Variants in SUMF1 observed in about 807,000 individuals in gnomAD.
SUMF1 encodes the protein sulfatase modifying factor 1.
Under a neutral mutation model 47.6 loss-of-function variants are expected in SUMF1, and 48 were observed. The observed-to-expected ratio is 1.01, with a 90% CI of 0.80 to 1.28. The LOEUF is 1.28. SUMF1 is among the 50% of genes most tolerant of loss of function. SUMF1 has a pLI of 0.00. For synonymous variants in SUMF1, 230 were observed against 192.1 expected, an observed-to-expected ratio of 1.20 and a Z score of -1.63; for missense variants, 571 against 485.4, an observed-to-expected ratio of 1.18 and a Z score of -1.66.
At chr3:4,391,301 G>C (rs571668977) in intron 7 of SUMF1, among the ~76,000 whole-genome samples, 44 of 152,024 alleles carry the variant, frequency 2.9e-4, no homozygotes, top group African/African-American at 1.1e-3. Flanking sequence ...TGAGCTTCTT[G>C]GATTTATAGA....
chr3:4,099,873 A>G (rs1232602398), intron 8 of SUMF1, among the ~76,000 whole-genome samples: 2 of 151,944 alleles, frequency 1.3e-5, no homozygotes, highest in African/African-American at 4.8e-5. Context: ...CAAAAAAAAT[A>G]CATAGGTGTA....
intron 9 of SUMF1, among the ~76,000 whole-genome samples, chr3:4,042,410 G>A (rs148760648): frequency 3.3e-5 from 5 of 151,956 alleles, no homozygotes; most frequent in African/African-American, 7.3e-5. Flanking sequence ...TCTCATATTC[G>A]TATACCTGAC....
At chr3:4,247,965 C>A (rs903066364) in intron 8 of SUMF1, among the ~76,000 whole-genome samples, 3 of 152,160 alleles carry the variant, frequency 2.0e-5, no homozygotes, top group African/African-American at 7.2e-5. Flanking sequence ...TGTTTTCAAA[C>A]TACTTTGCAA....
intron 8 of SUMF1, among the ~76,000 whole-genome samples, chr3:4,251,326 T>C (rs1696797379): frequency 6.6e-6 from 1 of 152,092 alleles, no homozygotes. Context: ...TGATGAGGAG[T>C]TGCTTCTTAT....
At chr3:4,295,677 C>A (rs1368118800) in intron 8 of SUMF1, among the ~76,000 whole-genome samples, 5 of 152,154 alleles carry the variant, frequency 3.3e-5, no homozygotes, top group Non-Finnish European at 7.4e-5. Context: ...AAATTAATTT[C>A]TTGCTGGTGA....
intron 7 of SUMF1, among the ~76,000 whole-genome samples, chr3:4,393,264 A>G (rs1378314323): frequency 1.3e-5 from 2 of 151,764 alleles, no homozygotes; most frequent in Non-Finnish European, 2.9e-5. Flanking sequence ...CCCATCCTCC[A>G]CCCTGAATCA....
chr3:4,130,032 CA>C (rs1406399489), intron 8 of SUMF1, among the ~76,000 whole-genome samples: 1 of 152,124 alleles, frequency 6.6e-6, no homozygotes, highest in Non-Finnish European at 1.5e-5. Context: ...AATAGTAAAT[CA>C]AAAACAATAT....
intron 8 of SUMF1, among the ~76,000 whole-genome samples, chr3:4,309,214 G>A (rs1698310087): frequency 6.6e-6 from 1 of 152,162 alleles, no homozygotes; most frequent in African/African-American, 2.4e-5. Flanking sequence ...GATTGTAAAT[G>A]TTTTTTATCA....
At chr3:4,417,578 T>G (rs1424389402) in intron 5 of SUMF1, among the ~76,000 whole-genome samples, 1 of 152,144 alleles carries the variant, frequency 6.6e-6, no homozygotes, top group Non-Finnish European at 1.5e-5. Flanking sequence ...ACACCACACT[T>G]TTTTATAAAG....
intron 8 of SUMF1, among the ~76,000 whole-genome samples, chr3:4,211,282 C>T (rs1376104876): frequency 2.1e-5 from 3 of 143,846 alleles, no homozygotes; most frequent in African/African-American, 5.2e-5. Flanking sequence ...GGTACTAAGC[C>T]TAGTACCCAT....
chr3:4,292,504 A>G (rs1697760276), intron 8 of SUMF1, among the ~76,000 whole-genome samples: 1 of 152,202 alleles, frequency 6.6e-6, no homozygotes. Context: ...AATATATTGT[A>G]TTTTATTCAC....
intron 3 of SUMF1, among the ~76,000 whole-genome samples, chr3:4,447,363 C>A (rs1207024981): frequency 6.6e-6 from 1 of 152,138 alleles, no homozygotes; most frequent in Non-Finnish European, 1.5e-5. Flanking sequence ...TAGTCAAGTA[C>A]TAAGGATATG....
At chr3:4,137,213 G>T (rs182042844) in intron 8 of SUMF1, among the ~76,000 whole-genome samples, 1 of 152,116 alleles carries the variant, frequency 6.6e-6, no homozygotes, top group Admixed American at 6.5e-5. Flanking sequence ...CAAAGACTTG[G>T]AACCAACCCA....
chr3:4,361,003 C>T (rs1362550935), downstream of SUMF1: 17 of 152,138 alleles, frequency 1.1e-4, no homozygotes, highest in Admixed American at 1.1e-3. Context: ...CAAAAATTCC[C>T]ACAAATTACC....
At chr3:4,413,307 C>A (rs1214061593) in intron 6 of SUMF1, among the ~76,000 whole-genome samples, 1 of 152,134 alleles carries the variant, frequency 6.6e-6, no homozygotes, top group Non-Finnish European at 1.5e-5. Context: ...GACCCAGTGA[C>A]ACCAACAGTT....
intron 3 of SUMF1, among the ~76,000 whole-genome samples, chr3:4,425,153 G>C (rs1702028885): frequency 6.6e-6 from 1 of 152,164 alleles, no homozygotes; most frequent in Non-Finnish European, 1.5e-5. Context: ...GTTTATAGTA[G>C]CATAGTGGTA....
At chr3:4,283,177 G>A (rs920371538) in intron 8 of SUMF1, among the ~76,000 whole-genome samples, 1 of 152,110 alleles carries the variant, frequency 6.6e-6, no homozygotes, top group Non-Finnish European at 1.5e-5. Flanking sequence ...GTTCCTTTTC[G>A]TTCCAATCTC....
chr3:4,393,412 A>G (rs1414160717), intron 7 of SUMF1, among the ~76,000 whole-genome samples: 37 of 152,168 alleles, frequency 2.4e-4, no homozygotes, highest in Non-Finnish European at 4.4e-5. Context: ...AGCTCACCAT[A>G]GCCTCGACCT....
At chr3:4,273,776 G>GGGAGGATACGGGAGGGAGGATACGGGA (rs1697355601) in intron 8 of SUMF1, among the ~76,000 whole-genome samples, 3 of 89,586 alleles carry the variant, frequency 3.3e-5, no homozygotes, top group African/African-American at 1.4e-4. Context: ...GGATACGGGA[G>GGGAGGATACGGGAGGGAGGATACGGGA]GGGAGGATAC....
Sources: gnomAD v4.1 joint callset for allele counts (sites outside exome capture counted in the v4.1 genomes callset) on GRCh38, gnomAD v4.1.1 for gene constraint, MANE v1.5 for transcripts, NCBI Gene and HGNC (gene_info 2026-07-23, HGNC 2026-07-21) for gene names.